The following ENPP1 variants were observed in gnomAD, a reference collection of about 807,000 sequenced individuals.
ENPP1 encodes the protein ectonucleotide pyrophosphatase/phosphodiesterase 1.
A neutral mutation model predicts 122.8 loss-of-function variants in ENPP1; 73 were observed. That is an observed-to-expected ratio of 0.59 (90% CI 0.49 to 0.72). The LOEUF (loss-of-function observed/expected upper bound fraction) is 0.72, where lower values mean the gene tolerates loss of function less well. ENPP1 is among the 30% of genes least tolerant of loss of function. The probability of loss-of-function intolerance (pLI) is 0.00; values close to 1 mark genes in which losing one functional copy is unlikely to be tolerated. For synonymous variants in ENPP1, 367 were observed against 391.6 expected (o/e 0.94, Z 0.74); for missense variants, 978 against 1,128.1 (o/e 0.87, Z 1.91).
chr6:131,840,266 C>A (rs1781723894), intron 1 of ENPP1, among the ~76,000 whole-genome samples: 1 of 152,220 alleles, frequency 6.6e-6, no homozygotes, highest in Non-Finnish European at 1.5e-5. Flanking sequence ...TCATTTCCTG[C>A]AAAATAATTT....
chr6:131,850,330 T>C (rs1467656641), intron 3 of ENPP1, among the ~76,000 whole-genome samples: 1 of 152,220 alleles, frequency 6.6e-6, no homozygotes, highest in Non-Finnish European at 1.5e-5. Flanking sequence ...AGCAGAACTT[T>C]GTCTATTTTT....
chr6:131,889,095 C>T (rs1325521448), intron 24 of ENPP1, among the ~76,000 whole-genome samples: 1 of 152,152 alleles, frequency 6.6e-6, no homozygotes, highest in Admixed American at 6.5e-5. Context: ...TACATTTGCA[C>T]ACATCATTAC....
At chr6:131,829,973 G>A (rs747838566) in intron 1 of ENPP1, among the ~76,000 whole-genome samples, 2 of 152,148 alleles carry the variant, frequency 1.3e-5, no homozygotes, top group East Asian at 3.9e-4. Flanking sequence ...AAGTGTAGTA[G>A]TCAAAGTTAC....
intron 9 of ENPP1, among the ~76,000 whole-genome samples, chr6:131,862,352 A>G (rs1782035657): frequency 6.6e-6 from 1 of 152,200 alleles, no homozygotes; most frequent in African/African-American, 2.4e-5. Flanking sequence ...CTCTAGAAAG[A>G]AAAAGAACTG....
At chr6:131,843,045 G>A (rs1355404512) in intron 1 of ENPP1, among the ~76,000 whole-genome samples, 1 of 151,930 alleles carries the variant, frequency 6.6e-6, no homozygotes, top group Non-Finnish European at 1.5e-5. Flanking sequence ...TATTTCTATG[G>A]TTTCTTAGAA....
chr6:131,875,058 A>G (rs1782211782), intron 16 of ENPP1, among the ~76,000 whole-genome samples: 1 of 152,130 alleles, frequency 6.6e-6, no homozygotes, highest in African/African-American at 2.4e-5. Context: ...AGACTCCCCA[A>G]AGGTGGGAGG....
intron 2 of ENPP1, 47 bp downstream of exon 2, chr6:131,847,895 ATGTG>A (rs747541147): frequency 2.9e-6 from 2 of 680,322 alleles, no homozygotes; most frequent in South Asian, 6.2e-5. Context: ...GTGTGTGTGT[ATGTG>A]TGTGCACAGC....
At chr6:131,808,432 G>A (rs1781309169) in intron 1 of ENPP1, among the ~76,000 whole-genome samples, 157 bp downstream of exon 1, 1 of 152,180 alleles carries the variant, frequency 6.6e-6, no homozygotes, top group Non-Finnish European at 1.5e-5. Flanking sequence ...CGCAGCCTTT[G>A]CAAGTGCCCT....
intron 24 of ENPP1, among the ~76,000 whole-genome samples, chr6:131,887,436 A>G (rs1259867001): frequency 1.3e-5 from 2 of 150,880 alleles, no homozygotes; most frequent in African/African-American, 4.9e-5. Flanking sequence ...TTTGGCTCCC[A>G]GGCTGGAGTG....
intron 21 of ENPP1, among the ~76,000 whole-genome samples, chr6:131,883,275 G>A (rs1782335604): frequency 6.6e-6 from 1 of 152,150 alleles, no homozygotes; most frequent in African/African-American, 2.4e-5. Flanking sequence ...AGCCTTGTAT[G>A]GTGTTTCGAG....
chr6:131,881,043 C>T (rs1007310887), intron 20 of ENPP1, among the ~76,000 whole-genome samples: 1 of 152,096 alleles, frequency 6.6e-6, no homozygotes, highest in Non-Finnish European at 1.5e-5. Flanking sequence ...AAATTTTAAA[C>T]TGGGCTGAAA....
chr6:131,838,283 A>G (rs1375450280), intron 1 of ENPP1, among the ~76,000 whole-genome samples: 4 of 152,184 alleles, frequency 2.6e-5, no homozygotes, highest in Non-Finnish European at 5.9e-5. Flanking sequence ...CCAAAAGAAA[A>G]TAATTGCCAA....
chr6:131,833,526 T>A (rs1646736580), intron 1 of ENPP1, among the ~76,000 whole-genome samples: 1 of 152,350 alleles, frequency 6.6e-6, no homozygotes, highest in African/African-American at 2.4e-5. Flanking sequence ...AACTCAAATG[T>A]ATCAACTTTT....
chr6:131,857,818 T>TA (rs1781968246), intron 6 of ENPP1, among the ~76,000 whole-genome samples: 1 of 152,150 alleles, frequency 6.6e-6, no homozygotes, highest in South Asian at 2.1e-4. Flanking sequence ...AATAAATAAA[T>TA]ACAGCCCTTT....
intron 7 of ENPP1, among the ~76,000 whole-genome samples, chr6:131,859,394 T>G (rs921661018): frequency 4.6e-5 from 7 of 151,946 alleles, no homozygotes; most frequent in African/African-American, 9.7e-5. Flanking sequence ...CTTTTTTTTT[T>G]TTGTTTTTTT....
chr6:131,847,887 G>C, intron 2 of ENPP1, 39 bp downstream of exon 2: 1 of 1,392,352 alleles, frequency 7.2e-7, no homozygotes, highest in Non-Finnish European at 1.0e-6. Context: ...GTGTGTGTGT[G>C]TGTGTGTATG....
chr6:131,831,142 A>AG (rs1277555344), intron 1 of ENPP1, among the ~76,000 whole-genome samples: 191 of 149,978 alleles, frequency 1.3e-3, no homozygotes, highest in Middle Eastern at 3.5e-3. Context: ...AAAAAAGAAA[A>AG]GAAAATAGAT....
chr6:131,857,703 TGAC>T lies in ENPP1; in HGVS notation c.716-962_716-960del, dbSNP rs1781966696. ...ATTGGGAGATATACCTAATGCTAGA[TGAC>T]GAGTTAGTGGGTGCAGCGCACCAGC... On this transcript the variant is annotated intron_variant, in intron 6 of 24. Coordinates refer to ENST00000647893, the MANE Select transcript of ENPP1 (RefSeq NM_006208.3). Among the ~76,000 whole-genome samples, 5 of 152,300 alleles carry T rather than the reference TGAC, an allele frequency of 3.3e-5. No individual in the cohort carries two copies. The South Asian group carries it at 1.0e-3, about 32-fold the overall frequency.
intron 9 of ENPP1, among the ~76,000 whole-genome samples, chr6:131,863,004 G>T (rs1470552864): frequency 6.6e-6 from 1 of 152,006 alleles, no homozygotes; most frequent in Non-Finnish European, 1.5e-5. Flanking sequence ...GGTTATTTCA[G>T]CCTATGCTCA....
Sources: gnomAD v4.1 joint callset for allele counts (sites outside exome capture counted in the v4.1 genomes callset) on GRCh38, gnomAD v4.1.1 for gene constraint, MANE v1.5 for transcripts, NCBI Gene and HGNC (gene_info 2026-07-23, HGNC 2026-07-21) for gene names.